The following MGST1 variants were observed in gnomAD, a reference collection of about 807,000 sequenced individuals.
MGST1 encodes glutathione S-transferase 12.
A neutral mutation model predicts 8.9 loss-of-function variants in MGST1; 5 were observed. That is an observed-to-expected ratio of 0.56 (90% CI 0.29 to 1.19). The LOEUF (loss-of-function observed/expected upper bound fraction) is 1.19, where lower values mean the gene tolerates loss of function less well. MGST1 is among the 50% of genes most tolerant of loss of function. The probability of loss-of-function intolerance (pLI) is 0.08; values close to 1 mark genes in which losing one functional copy is unlikely to be tolerated. For synonymous variants in MGST1, 54 were observed against 67.8 expected, an observed-to-expected ratio of 0.80 and a Z score of 1.00; for missense variants, 182 against 187.4, an observed-to-expected ratio of 0.97 and a Z score of 0.17.
Position 16,390,671 on chromosome 12 carries a change from A to C in MGST1, n.778+7067A>C, listed in dbSNP as rs2216206. The stretch of plus-strand genomic sequence containing the variant: ...ATGGCTACATAATGTACATCATTCC[A>C]TGGTGTATATGTACACATTTTCTTT... On this transcript the variant is annotated intron_variant and non_coding_transcript_variant, in intron 1 of 1. Coordinates refer to the MGST1 transcript ENST00000359720. Among the ~76,000 whole-genome samples the C allele has an allele frequency of 5.6e-4, 85 of 152,270 alleles. No homozygotes were observed. In the East Asian group the frequency reaches 0.016, roughly 28 times the overall value.
intron 4 of MGST1, among the ~76,000 whole-genome samples, chr12:16,531,967 G>A (rs1362381596): frequency 6.6e-6 from 1 of 152,072 alleles, no homozygotes; most frequent in African/African-American, 2.4e-5. Flanking sequence ...AAAACTTCAG[G>A]CTGAAATTGA....
intron 4 of MGST1, among the ~76,000 whole-genome samples, chr12:16,583,714 G>A (rs1943235781): frequency 6.6e-6 from 1 of 152,166 alleles, no homozygotes. Context: ...TGTAGGAATG[G>A]ATTGAAAAAG....
chr12:16,593,132 G>A (rs995807892), downstream of MGST1, among the ~76,000 whole-genome samples: 7 of 151,696 alleles, frequency 4.6e-5, no homozygotes, highest in African/African-American at 1.2e-4. This position sits in a 1 kb window ranked among gnomAD's most constrained non-coding sequence, Gnocchi z 4.2. Flanking sequence ...TGATATTTAT[G>A]TTTACTAAAA....
intron 4 of MGST1, among the ~76,000 whole-genome samples, chr12:16,489,449 G>T (rs576031774): frequency 6.6e-6 from 1 of 151,964 alleles, no homozygotes; most frequent in Non-Finnish European, 1.5e-5. Context: ...GGATATCTGG[G>T]TTGCCTGTGT....
intron 4 of MGST1, among the ~76,000 whole-genome samples, chr12:16,574,146 C>A (rs777823256): frequency 2.6e-5 from 4 of 152,054 alleles, no homozygotes; most frequent in Non-Finnish European, 5.9e-5. Context: ...AATGCAACAC[C>A]ACCAAGACCC....
intron 4 of MGST1, among the ~76,000 whole-genome samples, chr12:16,509,922 G>C (rs1351860696): frequency 6.6e-6 from 1 of 152,132 alleles, no homozygotes; most frequent in South Asian, 2.1e-4. Context: ...ATTATTATCC[G>C]CCTAGACTTC....
intron 4 of MGST1, among the ~76,000 whole-genome samples, chr12:16,451,944 T>C (rs1317964090): frequency 6.6e-6 from 1 of 151,868 alleles, no homozygotes; most frequent in Admixed American, 6.6e-5. Context: ...TAGGATAAAA[T>C]ACTTAATAAG....
At position 16,413,489 on chromosome 12, in the gene MGST1, G is replaced by A. The variant is rs1565449513; in HGVS notation, n.779-23899G>A. Among the ~76,000 whole-genome samples the A allele has an allele frequency of 6.6e-6, 1 of 152,082 alleles. No homozygotes were observed. Among genetic ancestry groups the A allele is most frequent in the African/African-American group, 2.4e-5 (1 of 41,416 alleles). On this transcript the variant is annotated intron_variant and non_coding_transcript_variant, in intron 1 of 1. Transcript: ENST00000359720. The surrounding 1 kb of genome is among the most constrained non-coding windows in gnomAD (Gnocchi z 4.0). ...CCCTGAGAACAGCAGGTAAGTGGTG[G>A]TATGGAGTTGAAAGAGAATTCTCCC...
In MGST1 at chr12:16,547,922, C is replaced by A. The variant is rs1941848413; in HGVS notation, n.483-41606C>A. On this transcript the variant is annotated intron_variant and non_coding_transcript_variant, in intron 4 of 4. Coordinates refer to the MGST1 transcript ENST00000538857. The surrounding 1 kb of genome is among the most constrained non-coding windows in gnomAD (Gnocchi z 4.6). ...TAAAGTGATAGTTAAAAGGAAAACA[C>A]TTTTGCATGGCATGTTTTACTACAG... Among the ~76,000 whole-genome samples the A allele has an allele frequency of 6.6e-6, 1 of 152,118 alleles. No homozygotes were observed. The highest frequency in any genetic ancestry group is 1.5e-5 in the Non-Finnish European group (1 of 68,020).
intron 1 of MGST1, among the ~76,000 whole-genome samples, chr12:16,427,015 C>T (rs1305525092): frequency 6.7e-6 from 1 of 149,602 alleles, no homozygotes; most frequent in Non-Finnish European, 1.5e-5. Context: ...TATATTCATT[C>T]ATTAATTGAA....
intron 1 of MGST1, among the ~76,000 whole-genome samples, chr12:16,419,391 A>T (rs11056930): frequency 0.078 from 11,797 of 152,108 alleles, 789 homozygotes; most frequent in East Asian, 0.29. Context: ...GAAAAGGCAG[A>T]TACTGGAACT....
chr12:16,427,281 CAG>C (rs1404975396), intron 1 of MGST1, among the ~76,000 whole-genome samples: 26 of 152,038 alleles, frequency 1.7e-4, no homozygotes, highest in Non-Finnish European at 3.5e-4. Context: ...TCTATGTAAA[CAG>C]GGGATGAAGG....
At chr12:16,407,565 A>G (rs759424708) in intron 1 of MGST1, among the ~76,000 whole-genome samples, 43 of 152,218 alleles carry the variant, frequency 2.8e-4, no homozygotes, top group Non-Finnish European at 3.4e-4. Flanking sequence ...ATTATTTGGC[A>G]TATACCCAGA....
At chr12:16,436,509 A>G (rs1008321697) in intron 1 of MGST1, among the ~76,000 whole-genome samples, 1 of 151,972 alleles carries the variant, frequency 6.6e-6, no homozygotes, top group Non-Finnish European at 1.5e-5. Context: ...TTGGCACTCA[A>G]TAGAAACTCA....
chr12:16,506,023 A>C (rs879386970), intron 4 of MGST1, among the ~76,000 whole-genome samples: 42 of 152,340 alleles, frequency 2.8e-4, no homozygotes, highest in Admixed American at 2.7e-3. Context: ...AAATCTCTTA[A>C]TTTTAAATGA....
intron 4 of MGST1, among the ~76,000 whole-genome samples, chr12:16,444,467 C>T (rs1293521461): frequency 1.3e-5 from 2 of 151,776 alleles, no homozygotes; most frequent in Admixed American, 6.6e-5. Context: ...ATAAGCACCT[C>T]AAAAAGCTTC....
In MGST1 at chr12:16,544,022, G is replaced by A. The variant is rs959293005; in HGVS notation, n.483-45506G>A. On this transcript the variant is annotated intron_variant and non_coding_transcript_variant, in intron 4 of 4. Transcript: ENST00000538857. This position sits in a 1 kb window ranked among gnomAD's most constrained non-coding sequence, Gnocchi z 4.8. Reference sequence around the variant, plus strand: ...TCATACTCTTCCTAAGTGTAAGCAGGTGATTTCTTATACTGCTGCTTTATA... The same window carrying A: ...TCATACTCTTCCTAAGTGTAAGCAGATGATTTCTTATACTGCTGCTTTATA... Among the ~76,000 whole-genome samples the A allele has an allele frequency of 6.6e-6, 1 of 152,126 alleles. No homozygotes were observed. The highest frequency in any genetic ancestry group is 2.1e-4 in the South Asian group (1 of 4,822).
intron 4 of MGST1, among the ~76,000 whole-genome samples, chr12:16,516,726 G>T (rs1941617913): frequency 6.6e-6 from 1 of 152,214 alleles, no homozygotes; most frequent in Admixed American, 6.5e-5. Flanking sequence ...TTTAAAGGAA[G>T]ACTATCTATC....
At chr12:16,355,814 A>C (rs1342059532) in intron 2 of MGST1, among the ~76,000 whole-genome samples, 4 of 152,218 alleles carry the variant, frequency 2.6e-5, no homozygotes, top group African/African-American at 4.8e-5. Flanking sequence ...GGGGGCAGTT[A>C]GAGGTTAAGT....
Sources: allele counts gnomAD v4.1 joint callset (sites outside exome capture counted in the v4.1 genomes callset), GRCh38; gene constraint gnomAD v4.1.1; non-coding constraint Gnocchi (gnomAD v3.1); transcripts MANE v1.5; gene names NCBI Gene and HGNC (gene_info 2026-07-23, HGNC 2026-07-21).